Variants in LAMA1 observed in about 807,000 individuals in gnomAD.
The protein encoded by LAMA1 is laminin subunit alpha-1.
A neutral mutation model predicts 348.7 loss-of-function variants in LAMA1; 219 were observed. The observed-to-expected ratio is 0.63, with a 90% CI of 0.56 to 0.70. The LOEUF (loss-of-function observed/expected upper bound fraction) is 0.70. Among genes scored for constraint, LAMA1 ranks in the 30% least tolerant of loss-of-function variants. LAMA1 has a pLI of 0.00. For missense variants in LAMA1, 3,744 were observed against 3,888.0 expected, an observed-to-expected ratio of 0.96 and a Z score of 0.99; for synonymous variants, 1,487 against 1,491.0, an observed-to-expected ratio of 1.00 and a Z score of 0.06.
intron 3 of LAMA1, among the ~76,000 whole-genome samples, chr18:7,074,908 C>T (rs1419162228): frequency 7.5e-6 from 1 of 133,190 alleles, no homozygotes; most frequent in Non-Finnish European, 1.5e-5. Context: ...TCTGATAAGA[C>T]TACTTTTTAA....
intron 61 of LAMA1, among the ~76,000 whole-genome samples, chr18:6,945,228 T>C (rs1016886922): frequency 1.3e-5 from 2 of 152,060 alleles, no homozygotes; most frequent in Non-Finnish European, 2.9e-5. Context: ...CATAAAAACA[T>C]GCAAATAGAT....
intron 21 of LAMA1, 75 bp from the exon 22 acceptor site, chr18:7,015,933 C>A: frequency 6.4e-7 from 1 of 1,574,090 alleles, no homozygotes; most frequent in Non-Finnish European, 8.7e-7. Context: ...GCTGTTATTT[C>A]CCTTTTATTA....
chr18:6,950,698 T>C, intron 58 of LAMA1, 84 bp downstream of exon 58: 3 of 1,442,608 alleles, frequency 2.1e-6, no homozygotes, highest in Admixed American at 1.7e-5. Context: ...ATGGGGATAA[T>C]GTGCCTTTGA....
chr18:7,067,334 G>C (rs1227647093), intron 3 of LAMA1, among the ~76,000 whole-genome samples: 1 of 151,442 alleles, frequency 6.6e-6, no homozygotes, highest in African/African-American at 2.5e-5. Flanking sequence ...GAAATGAATG[G>C]AACAAGCCAC....
chr18:7,017,466 A>G (rs2057894536), intron 19 of LAMA1, 82 bp from the exon 20 acceptor site: 1 of 926,408 alleles, frequency 1.1e-6, no homozygotes, highest in Non-Finnish European at 1.7e-6. Context: ...AAAGGAAAAA[A>G]AAAATGTAAA....
intron 58 of LAMA1, among the ~76,000 whole-genome samples, chr18:6,950,154 C>T (rs2143973553): frequency 6.6e-6 from 1 of 152,292 alleles, no homozygotes; most frequent in Admixed American, 6.5e-5. Flanking sequence ...AAGAAGACAA[C>T]TTCGACCCCC....
At chr18:7,063,107 T>C (rs1315648405) in intron 3 of LAMA1, among the ~76,000 whole-genome samples, 1 of 152,130 alleles carries the variant, frequency 6.6e-6, no homozygotes, top group African/African-American at 2.4e-5. Flanking sequence ...AAACAATAAT[T>C]ATGTGTTTTC....
chr18:7,002,843 T>C (rs2057814027), intron 29 of LAMA1, among the ~76,000 whole-genome samples: 1 of 152,016 alleles, frequency 6.6e-6, no homozygotes, highest in Non-Finnish European at 1.5e-5. Flanking sequence ...CACTGATAGA[T>C]TACTGCAACC....
chr18:7,016,496 C>G lies in LAMA1; in HGVS notation c.2984G>C (p.Cys995Ser). ...ACAAGGAAATCAAGGCTTACGTGTA[C>G]AGCTACCATCCTGGTAGGCGTAGAA... ...HGFYAYQDGS[C>S]TPCDCPHTQN... Residue 995 changes from cysteine to serine, a missense_variant, in exon 21 of 63, where the codon TGT becomes TCT. Transcript: ENST00000389658. The G allele has an allele frequency of 6.2e-7, 1 of 1,614,194 alleles. No homozygotes were observed. Among genetic ancestry groups the G allele is most frequent in the Non-Finnish European group, 8.5e-7 (1 of 1,180,034 alleles).
chr18:7,011,250 T>C (rs2057858308), intron 25 of LAMA1, 50 bp downstream of exon 25: 1 of 1,583,896 alleles, frequency 6.3e-7, no homozygotes, highest in East Asian at 2.3e-5. Context: ...AAACAATTTC[T>C]GTATATCCTA....
In LAMA1 at chr18:6,995,352, T is replaced by C. The variant is rs1301109272; in HGVS notation, c.4896+5A>G. 2 of 1,605,196 alleles carry C rather than the reference T, an allele frequency of 1.2e-6. No homozygotes were observed. Among genetic ancestry groups the C allele is most frequent in the East Asian group, 2.2e-5 (1 of 44,850 alleles). On this transcript the variant is annotated splice_donor_5th_base_variant and intron_variant, in intron 34 of 62. Coordinates refer to ENST00000389658, the MANE Select transcript of LAMA1 (RefSeq NM_005559.4). ...GAAGGTTGGTTGGTTATGGAAAGAA[T>C]TTACCTTCTTTTGCAGGTTGTCCGT...
intron 3 of LAMA1, among the ~76,000 whole-genome samples, chr18:7,060,072 G>A (rs911849230): frequency 2.0e-5 from 3 of 152,174 alleles, no homozygotes; most frequent in Non-Finnish European, 4.4e-5. Context: ...TGTCAATCAC[G>A]AAAGCACTTA....
chr18:7,012,596 C>A (rs888339709), intron 23 of LAMA1, among the ~76,000 whole-genome samples: 65 of 150,568 alleles, frequency 4.3e-4, no homozygotes, highest in Admixed American at 6.6e-4. Flanking sequence ...ACCTCCACCC[C>A]CCGGGTTCAA....
In LAMA1 at chr18:7,093,937, G is replaced by A. The variant is rs181803109; in HGVS notation, c.62-13480C>T. ...ACTACAGGTGTGTGCCACCATGCCC[G>A]GCTAATTTTTTGTATTTTTAGTAGA... is the stretch of plus-strand genomic sequence containing the variant. On this transcript the variant is annotated intron_variant, in intron 1 of 62. Coordinates refer to ENST00000389658, the MANE Select transcript of LAMA1 (RefSeq NM_005559.4). Among the ~76,000 whole-genome samples the A allele has an allele frequency of 1.7e-3, 251 of 151,754 alleles. 2 individuals are homozygous for A. The highest frequency in any genetic ancestry group is 5.7e-3 in the African/African-American group (238 of 41,396).
chr18:6,960,775 G>T (rs1215327755), intron 53 of LAMA1: 1 of 151,768 alleles, frequency 6.6e-6, no homozygotes, highest in South Asian at 2.1e-4. Context: ...CTGCAAACTT[G>T]TGTTCCAGTC....
chr18:7,059,186 G>A (rs1234506091), intron 3 of LAMA1, among the ~76,000 whole-genome samples: 1 of 152,126 alleles, frequency 6.6e-6, no homozygotes, highest in Non-Finnish European at 1.5e-5. Context: ...CACTGTGCCT[G>A]GCCAGTATAT....
intron 1 of LAMA1, among the ~76,000 whole-genome samples, chr18:7,082,178 C>T (rs1002070064): frequency 2.0e-5 from 3 of 152,010 alleles, no homozygotes; most frequent in Non-Finnish European, 4.4e-5. Context: ...TAGAAGGACC[C>T]CATTCTGTCA....
chr18:7,074,138 A>C (rs990504614), intron 3 of LAMA1, among the ~76,000 whole-genome samples: 4 of 152,072 alleles, frequency 2.6e-5, no homozygotes, highest in African/African-American at 7.2e-5. Flanking sequence ...CGGCCAGAAC[A>C]ACCACACTGT....
At chr18:7,028,752 C>T (rs565569337) in intron 16 of LAMA1, among the ~76,000 whole-genome samples, 2 of 152,310 alleles carry the variant, frequency 1.3e-5, no homozygotes, top group Admixed American at 6.5e-5. Context: ...AAAGTGCAGT[C>T]GGTGGTTAGG....
Sources: allele counts gnomAD v4.1 joint callset (sites outside exome capture counted in the v4.1 genomes callset), GRCh38; gene constraint gnomAD v4.1.1; transcripts MANE v1.5; gene names NCBI Gene and HGNC (gene_info 2026-07-23, HGNC 2026-07-21).